CDH13: variants seen among roughly 807,000 people sequenced by gnomAD.
CDH13 encodes cadherin 13.
Under a neutral mutation model 63.8 loss-of-function variants are expected in CDH13, and 24 were observed. The observed-to-expected ratio is 0.38, with a 90% CI of 0.27 to 0.53. CDH13 has a LOEUF of 0.53. Ranked by LOEUF, CDH13 falls within the 20% of genes least tolerant of loss-of-function variation. The probability of loss-of-function intolerance (pLI) is 0.85; values close to 1 mark genes in which losing one functional copy is unlikely to be tolerated. For missense variants in CDH13, 1,049 were observed against 903.1 expected, an observed-to-expected ratio of 1.16 and a Z score of -2.07; for synonymous variants, 503 against 355.3, an observed-to-expected ratio of 1.42 and a Z score of -4.67.
chr16:83,344,654 G>A (rs939466189), intron 5 of CDH13, among the ~76,000 whole-genome samples: 1 of 152,080 alleles, frequency 6.6e-6, no homozygotes, highest in Non-Finnish European at 1.5e-5. Context: ...TTTCCCAAGG[G>A]GGATCTAAAG....
chr16:82,883,706 G>C (rs969804934), intron 2 of CDH13, among the ~76,000 whole-genome samples: 1 of 152,164 alleles, frequency 6.6e-6, no homozygotes, highest in African/African-American at 2.4e-5. Flanking sequence ...AGCTGAGCTC[G>C]TGCCCAGAAT....
intron 2 of CDH13, among the ~76,000 whole-genome samples, chr16:82,897,970 G>T (rs555099550): frequency 6.6e-6 from 1 of 152,138 alleles, no homozygotes; most frequent in African/African-American, 2.4e-5. Flanking sequence ...CATCTGCACC[G>T]TCCAATACAG....
chr16:82,735,029 G>A (rs1050516048), intron 1 of CDH13, among the ~76,000 whole-genome samples: 1 of 152,180 alleles, frequency 6.6e-6, no homozygotes, highest in Non-Finnish European at 1.5e-5. Context: ...AGAGATGAAG[G>A]TGGCTTGAAC....
At chr16:83,241,195 G>C (rs557884823) in intron 5 of CDH13, among the ~76,000 whole-genome samples, 31 of 152,230 alleles carry the variant, frequency 2.0e-4, no homozygotes, top group Non-Finnish European at 4.1e-4. Flanking sequence ...ATAGTTCATT[G>C]TGTGGATATA....
At chr16:83,259,894 G>A (rs528314508) in intron 5 of CDH13, among the ~76,000 whole-genome samples, 3 of 152,026 alleles carry the variant, frequency 2.0e-5, no homozygotes, top group Non-Finnish European at 4.4e-5. Flanking sequence ...CTAAAATCAT[G>A]GGAGAAATTC....
chr16:83,025,517 G>A (rs548367457), intron 2 of CDH13, among the ~76,000 whole-genome samples: 1 of 152,224 alleles, frequency 6.6e-6, no homozygotes, highest in African/African-American at 2.4e-5. Flanking sequence ...CACAAGAATA[G>A]CATGGAGGTA....
chr16:83,437,204 G>A (rs2072331490), intron 6 of CDH13, among the ~76,000 whole-genome samples: 1 of 152,036 alleles, frequency 6.6e-6, no homozygotes, highest in Admixed American at 6.5e-5. Flanking sequence ...TCATTTATCA[G>A]CTGTGTGACC....
intron 8 of CDH13, among the ~76,000 whole-genome samples, chr16:83,660,346 A>G (rs751452534): frequency 3.9e-5 from 6 of 152,198 alleles, no homozygotes; most frequent in Non-Finnish European, 7.3e-5. Flanking sequence ...TAGATCATCA[A>G]GTATTAGATT....
chr16:83,648,256 T>C (rs1912024915), intron 8 of CDH13, among the ~76,000 whole-genome samples: 2 of 152,152 alleles, frequency 1.3e-5, no homozygotes, highest in African/African-American at 4.8e-5. Flanking sequence ...GTATTTTACA[T>C]GCAAGAACAA....
intron 7 of CDH13, among the ~76,000 whole-genome samples, chr16:83,502,480 C>G (rs914304551): frequency 6.6e-6 from 1 of 152,192 alleles, no homozygotes; most frequent in South Asian, 2.1e-4. Context: ...CTTTGGACTC[C>G]TGTCCTGAAG....
intron 4 of CDH13, among the ~76,000 whole-genome samples, chr16:83,199,671 G>T (rs2038969572): frequency 6.6e-6 from 1 of 152,168 alleles, no homozygotes; most frequent in Non-Finnish European, 1.5e-5. Context: ...GTTACATGTT[G>T]TGTTTCAATG....
intron 5 of CDH13, 121 bp downstream of exon 5, chr16:83,217,618 GTGTTT>G: frequency 2.0e-6 from 2 of 993,880 alleles, no homozygotes; most frequent in Non-Finnish European, 2.9e-6. Context: ...TGGCTTTAGG[GTGTTT>G]CTGTGGGAGC....
intron 5 of CDH13, among the ~76,000 whole-genome samples, chr16:83,268,303 T>A (rs1319526640): frequency 6.6e-6 from 1 of 152,220 alleles, no homozygotes; most frequent in East Asian, 1.9e-4. Flanking sequence ...GAAGATCAAC[T>A]GGACAGTTAC....
At chr16:82,876,312 C>G (rs948418030) in intron 2 of CDH13, among the ~76,000 whole-genome samples, 5 of 152,144 alleles carry the variant, frequency 3.3e-5, no homozygotes, top group African/African-American at 1.2e-4. Flanking sequence ...GTTGTTAAGC[C>G]TGAAACCATC....
rs778095471 is a variant in CDH13 at position 83,160,088 on chromosome 16, G to GA, written c.483+34597dup. Among the ~76,000 whole-genome samples the GA allele has an allele frequency of 9.3e-3, 1,395 of 149,352 alleles. 19 individuals carry two copies. The highest frequency in any genetic ancestry group is 0.032 in the African/African-American group (1,297 of 40,694). On this transcript the variant is annotated intron_variant, in intron 4 of 13. Coordinates refer to ENST00000567109, the MANE Select transcript of CDH13 (RefSeq NM_001257.5). ...AAGACTCTGTCTCAAAAAATAAAGA[G>GA]AAAAAAAAAATTGTTACATAATGCA...
At chr16:83,245,308 C>G (rs1273495724) in intron 5 of CDH13, among the ~76,000 whole-genome samples, 1 of 152,188 alleles carries the variant, frequency 6.6e-6, no homozygotes, top group East Asian at 1.9e-4. Context: ...GAAATGACAT[C>G]AGTCCTATTC....
intron 2 of CDH13, among the ~76,000 whole-genome samples, chr16:83,026,914 C>G (rs932144710): frequency 6.6e-6 from 1 of 152,162 alleles, no homozygotes; most frequent in Non-Finnish European, 1.5e-5. Flanking sequence ...CAGAGCTAAG[C>G]AGAGCGGCTG....
chr16:82,848,441 C>T (rs754660134), intron 1 of CDH13, among the ~76,000 whole-genome samples: 14 of 152,164 alleles, frequency 9.2e-5, no homozygotes, highest in Non-Finnish European at 1.6e-4. Context: ...GTTTTTCCAA[C>T]AGTATGTGAT....
In CDH13 at chr16:83,237,025, G is replaced by A. The variant is rs150056021; in HGVS notation, c.636+19528G>A. Among the ~76,000 whole-genome samples the A allele has an allele frequency of 3.9e-4, 59 of 152,264 alleles. No individual in the cohort carries two copies. The East Asian group carries it at 0.011, about 28-fold the overall frequency. ...CAGAGAAACTGGACAGGAAAACCCA[G>A]GTGTGAGGACCAGGAGGAAGAGGGT... On this transcript the variant is annotated intron_variant, in intron 5 of 13. Coordinates refer to ENST00000567109, the MANE Select transcript of CDH13 (RefSeq NM_001257.5).
Sources: gnomAD v4.1 joint callset for allele counts (sites outside exome capture counted in the v4.1 genomes callset) on GRCh38, gnomAD v4.1.1 for gene constraint, MANE v1.5 for transcripts, NCBI Gene and HGNC (gene_info 2026-07-23, HGNC 2026-07-21) for gene names.